PUS7L: variants seen among roughly 807,000 people sequenced by gnomAD.
PUS7L encodes pseudouridine synthase 7 like.
A neutral mutation model predicts 51.1 loss-of-function variants in PUS7L; 49 were observed. That is an observed-to-expected ratio of 0.96 (90% CI 0.76 to 1.22). The LOEUF is 1.22. PUS7L is among the 50% of genes most tolerant of loss of function. The probability of loss-of-function intolerance (pLI) is 0.00; values close to 1 mark genes in which losing one functional copy is unlikely to be tolerated. For missense variants in PUS7L, 828 were observed against 820.6 expected (o/e 1.01, Z -0.11); for synonymous variants, 277 against 276.2 (o/e 1.00, Z -0.03).
At chr12:43,737,657 G>T (rs1937675712) in intron 6 of PUS7L, among the ~76,000 whole-genome samples, 1 of 151,492 alleles carries the variant, frequency 6.6e-6, no homozygotes, top group South Asian at 2.1e-4. Flanking sequence ...TATTCCAAGG[G>T]CATATCTAAA....
Position 43,754,995 on chromosome 12 carries a change from C to T in PUS7L, c.251G>A (p.Arg84Lys). The T allele has an allele frequency of 6.2e-7, 1 of 1,613,144 alleles. No individual in the cohort carries two copies. The highest frequency in any genetic ancestry group is 1.3e-5 in the African/African-American group (1 of 74,950). ...AATCAAAGTATGAACTTCTTGGTTT[C>T]TTCCATCTTCTAAGGACAGATTTTG... is the stretch of plus-strand genomic sequence containing the variant. Reference protein sequence around the residue: ...DLQNLSLEDGRNQEVHTLIKY... With the variant: ...DLQNLSLEDGKNQEVHTLIKY... Residue 84 changes from arginine to lysine, a missense_variant, in exon 2 of 9, where the codon AGA (arginine) becomes AAA (lysine). By Grantham distance (26) the Arg-to-Lys change is conservative. Coordinates refer to ENST00000344862, the MANE Select transcript of PUS7L (RefSeq NM_031292.5).
At chr12:43,743,914 T>C (rs1368071222) in intron 4 of PUS7L, among the ~76,000 whole-genome samples, 1 of 152,220 alleles carries the variant, frequency 6.6e-6, no homozygotes, top group African/African-American at 2.4e-5. Flanking sequence ...AGTACTTAGA[T>C]ATAACAAAAG....
chr12:43,745,434 G>A (rs1938116776), intron 4 of PUS7L, among the ~76,000 whole-genome samples: 1 of 152,164 alleles, frequency 6.6e-6, no homozygotes. Context: ...GATAGCGAGT[G>A]AGTTCTCACA....
chr12:43,751,862 A>C (rs187675986), intron 2 of PUS7L, among the ~76,000 whole-genome samples: 122 of 152,154 alleles, frequency 8.0e-4, no homozygotes, highest in African/African-American at 2.9e-3. Context: ...AGCACCTGTC[A>C]CCTGTTTCCT....
Position 43,730,536 on chromosome 12 carries a change from C to T in PUS7L, c.1946G>A (p.Cys649Tyr). The T allele has an allele frequency of 6.2e-7, 1 of 1,613,846 alleles. No individual in the cohort carries two copies. The change falls in exon 9 of 9, where the codon TGT becomes TAT. Residue 649 changes from cysteine to tyrosine, a missense_variant. Transcript: ENST00000344862. Reference protein sequence around the residue: ...GCYRQILKHPCNLSYQLMEDH... With the variant: ...GCYRQILKHPYNLSYQLMEDH... Reference sequence around the variant, plus strand: ...TTCCATTAGTTGGTATGAGAGATTACAGGGATGTTTCAAAATCTGTCTATA... The same window carrying T: ...TTCCATTAGTTGGTATGAGAGATTATAGGGATGTTTCAAAATCTGTCTATA...
At position 43,748,864 on chromosome 12, in the gene PUS7L, C is replaced by T. The variant is rs562980312; in HGVS notation, c.911-255G>A. ...TCAGCCTCCTGAGTACCTGGGACTACAGGTACACACCACCACGCCCAGCTA... is the reference window on the plus strand; with the variant it reads ...TCAGCCTCCTGAGTACCTGGGACTATAGGTACACACCACCACGCCCAGCTA... On this transcript the variant is annotated intron_variant, in intron 2 of 8. Coordinates refer to ENST00000344862, the MANE Select transcript of PUS7L (RefSeq NM_031292.5). Among the ~76,000 whole-genome samples, 48 of 152,146 alleles carry T rather than the reference C, an allele frequency of 3.2e-4. No homozygotes were observed. The South Asian group carries it at 9.3e-3, about 30-fold the overall frequency.
At chr12:43,738,495 T>C (rs1303419359) in intron 5 of PUS7L, 104 bp from the exon 6 acceptor site, 4 of 650,394 alleles carry the variant, frequency 6.2e-6, no homozygotes, top group Non-Finnish European at 1.1e-5. Flanking sequence ...AGGGATTTAA[T>C]AATTATACTT....
intron 7 of PUS7L, among the ~76,000 whole-genome samples, chr12:43,736,162 T>C (rs1043979126): frequency 2.6e-5 from 4 of 152,206 alleles, no homozygotes; most frequent in Non-Finnish European, 4.4e-5. Context: ...ACTACCTATA[T>C]ATCTTTCACT....
rs1938161198 is a variant in PUS7L, at chr12:43,746,180, AC to A, written c.1128del (p.Ser377LeufsTer2). On this transcript the variant is annotated frameshift_variant, in exon 4 of 9. Transcript: ENST00000344862. LOFTEE classifies it high-confidence loss of function. The part of the protein sequence containing the change: ...EKKRMNVFNI[R>X]SVDDSLRLGQ... ...CCAAGTCTCAGGGAATCATCTACAGACCGAATATTAAAGACATTCATTCTTT... is the reference window on the plus strand; with the variant it reads ...CCAAGTCTCAGGGAATCATCTACAGACGAATATTAAAGACATTCATTCTTT... 1 of 1,515,856 alleles carries A rather than the reference AC, an allele frequency of 6.6e-7. No homozygotes were observed. The highest frequency in any genetic ancestry group is 1.4e-5 in the African/African-American group (1 of 72,034). The allele number at this position is 1,515,856 out of a possible 1,614,324, so 93.9% of individuals were successfully genotyped here.
rs1175303063 is a variant in PUS7L, at chr12:43,721,673, C to T, written c.*8703G>A. The T allele has an allele frequency of 3.3e-5, 5 of 152,050 alleles. No individual in the cohort carries two copies. The allele number at this position is 152,050 out of a possible 1,614,324, so 9.4% of individuals were successfully genotyped here. A position where few individuals can be genotyped will look rare whatever the true frequency, so the allele number is the denominator to read the frequency against. On this transcript the variant is annotated 3_prime_UTR_variant, in exon 9 of 9. Coordinates refer to ENST00000344862, the MANE Select transcript of PUS7L (RefSeq NM_031292.5). ...ATGTGAGCCATGAGATGGTAGAGAA[C>T]TATACAAAAGGCTATGAGAACACAG...
intron 7 of PUS7L, among the ~76,000 whole-genome samples, chr12:43,733,914 C>T (rs1944619688): frequency 6.6e-6 from 1 of 152,050 alleles, no homozygotes; most frequent in Non-Finnish European, 1.5e-5. Flanking sequence ...TCATTTCTTT[C>T]CTATTAGGTT....
chr12:43,749,164 A>G (rs964052605), intron 2 of PUS7L, among the ~76,000 whole-genome samples: 1 of 152,154 alleles, frequency 6.6e-6, no homozygotes, highest in African/African-American at 2.4e-5. Context: ...GGCCAAATCC[A>G]CTTTTCCTGT....
intron 7 of PUS7L, among the ~76,000 whole-genome samples, chr12:43,733,324 G>T (rs940888082): frequency 1.3e-5 from 2 of 152,112 alleles, no homozygotes; most frequent in Non-Finnish European, 2.9e-5. Context: ...CATTTATTAA[G>T]AATTTTATTC....
chr12:43,730,783 T>C, intron 8 of PUS7L, 81 bp from the exon 9 acceptor site: 1 of 883,288 alleles, frequency 1.1e-6, no homozygotes, highest in Non-Finnish European at 1.7e-6. Context: ...CTTTTATGAC[T>C]GCGACCTGGA....
intron 3 of PUS7L, among the ~76,000 whole-genome samples, chr12:43,747,944 C>T (rs1466665510): frequency 1.3e-5 from 2 of 152,026 alleles, no homozygotes; most frequent in African/African-American, 2.4e-5. Context: ...CACGCCATCA[C>T]ATCCAGCTAA....
In PUS7L at chr12:43,725,868, A is replaced by G. The variant is rs1467981737; in HGVS notation, c.*4508T>C. On this transcript the variant is annotated 3_prime_UTR_variant, in exon 9 of 9. Coordinates refer to ENST00000344862, the MANE Select transcript of PUS7L (RefSeq NM_031292.5). ...GCAAATAAGGGAAGATAATACCTCC[A>G]CACAGGGTGGGAATATGGATTAAAG... The G allele has an allele frequency of 6.6e-6, 1 of 150,650 alleles. No homozygotes were observed. The highest frequency in any genetic ancestry group is 1.5e-5 in the Non-Finnish European group (1 of 67,932). 9.3% of individuals were successfully genotyped at this position (150,650 alleles called of 1,614,324 possible).
At chr12:43,735,018 A>AT (rs775158318) in intron 7 of PUS7L, among the ~76,000 whole-genome samples, 2 of 152,230 alleles carry the variant, frequency 1.3e-5, no homozygotes, top group Non-Finnish European at 2.9e-5. Context: ...ACTCACAGAG[A>AT]TAAAAACAAC....
chr12:43,748,810 G>C (rs1938302244), intron 2 of PUS7L, among the ~76,000 whole-genome samples: 1 of 152,038 alleles, frequency 6.6e-6, no homozygotes, highest in Admixed American at 6.6e-5. Context: ...TGCAACCTCT[G>C]CCTCCCGGGT....
chr12:43,735,111 C>A (rs1944653622), intron 7 of PUS7L, among the ~76,000 whole-genome samples: 1 of 151,670 alleles, frequency 6.6e-6, no homozygotes, highest in South Asian at 2.1e-4. Context: ...GTCAGGAGAT[C>A]GAGACCATCC....
Sources: gnomAD v4.1 joint callset for allele counts (sites outside exome capture counted in the v4.1 genomes callset) on GRCh38, gnomAD v4.1.1 for gene constraint, MANE v1.5 for transcripts, NCBI Gene and HGNC (gene_info 2026-07-23, HGNC 2026-07-21) for gene names.